Variants in PHC1 observed in about 807,000 individuals in gnomAD.
PHC1 encodes polyhomeotic-like protein 1.
Under a neutral mutation model 104.3 loss-of-function variants are expected in PHC1, and 12 were observed. The observed-to-expected ratio is 0.12, with a 90% CI of 0.07 to 0.19. PHC1 has a LOEUF of 0.19. Ranked by LOEUF, PHC1 falls within the 10% of genes least tolerant of loss-of-function variation. The probability of loss-of-function intolerance (pLI) is 1.00; values close to 1 mark genes in which losing one functional copy is unlikely to be tolerated. For missense variants in PHC1, 671 were observed against 1,200.0 expected (o/e 0.56, Z 6.51); for synonymous variants, 302 against 455.8 (o/e 0.66, Z 4.30).
chr12:8,929,107 A>C (rs1324473696), intron 6 of PHC1, among the ~76,000 whole-genome samples: 8 of 152,224 alleles, frequency 5.3e-5, no homozygotes, highest in Admixed American at 3.9e-4. Context: ...AATATTTTCT[A>C]AAATAGGAAG....
chr12:8,920,800 G>T (rs1438314404), intron 3 of PHC1, among the ~76,000 whole-genome samples, 185 bp from the exon 4 acceptor site: 2 of 152,216 alleles, frequency 1.3e-5, no homozygotes, highest in Non-Finnish European at 2.9e-5. Flanking sequence ...GGGCTAATTG[G>T]TTAGCATATG....
intron 11 of PHC1, among the ~76,000 whole-genome samples, chr12:8,936,109 G>A (rs912052628): frequency 6.6e-6 from 1 of 152,130 alleles, no homozygotes; most frequent in Non-Finnish European, 1.5e-5. Context: ...GGCCGAGTGT[G>A]ATGACTCTCA....
rs1171328458 is a variant in PHC1, at chr12:8,940,291, A to G, written c.*832A>G. ...AAATATTTTTTTCCTCAGTAAAAGG[A>G]TGAAAATTGGTTTCAGTTGTCTTAC... On this transcript the variant is annotated 3_prime_UTR_variant, in exon 15 of 15. Transcript: ENST00000544916. 1.2e-5 allele frequency: 2 copies of G among 164,484 alleles called. No homozygotes were observed. The highest frequency in any genetic ancestry group is 4.8e-5 in the African/African-American group (2 of 41,456). 10.2% of individuals were successfully genotyped at this position (164,484 alleles called of 1,614,324 possible).
At chr12:8,939,208 G>A (rs1945937305) in intron 14 of PHC1, 97 bp from the exon 15 acceptor site, 17 of 1,423,034 alleles carry the variant, frequency 1.2e-5, no homozygotes, top group Non-Finnish European at 1.7e-5. Flanking sequence ...ATTTAGGACA[G>A]GTACTTTGGA....
chr12:8,917,895 G>C (rs1945246914), intron 2 of PHC1, 104 bp downstream of exon 2: 1 of 656,542 alleles, frequency 1.5e-6, no homozygotes, highest in Non-Finnish European at 2.6e-6. Flanking sequence ...AAACTGGGGA[G>C]AGTTGGGTTA....
In PHC1 at chr12:8,917,519, G is replaced by T. The variant is rs779599291; in HGVS notation, c.-48-111G>T. ...AGATGAGAAATCATGGCTTATGGAA[G>T]AGGAGGAAGATTCTTAGATACTTAT... On this transcript the variant is annotated intron_variant, in intron 1 of 14. Transcript: ENST00000544916. 3.8e-5 allele frequency: 18 copies of T among 469,414 alleles called. 1 individual carries two copies. In the South Asian group the frequency reaches 6.8e-4, roughly 18 times the overall value. The allele number at this position is 469,414 out of a possible 1,614,324, so 29.1% of individuals were successfully genotyped here.
chr12:8,938,182 C>T, intron 14 of PHC1, 122 bp downstream of exon 14: 2 of 645,688 alleles, frequency 3.1e-6, no homozygotes, highest in Non-Finnish European at 5.5e-6. Flanking sequence ...AATATAGAGG[C>T]TCTACTCCTA....
At chr12:8,927,141 G>T (rs947014209) in intron 6 of PHC1, among the ~76,000 whole-genome samples, 1 of 152,196 alleles carries the variant, frequency 6.6e-6, no homozygotes, top group Non-Finnish European at 1.5e-5. Context: ...GTGCATGCGC[G>T]CATGCGTGGG....
chr12:8,938,075 T>G lies in PHC1; in HGVS notation c.2860+15T>G. 1.3e-6 allele frequency: 2 copies of G among 1,573,868 alleles called. No homozygotes were observed. Among genetic ancestry groups the G allele is most frequent in the Non-Finnish European group, 1.7e-6 (2 of 1,146,360 alleles). On this transcript the variant is annotated intron_variant, in intron 14 of 14. Coordinates refer to ENST00000544916, the MANE Select transcript of PHC1 (RefSeq NM_004426.3). ...TTCTCTCCAAGGTACTGACCCTCTCTTCAACAGAACCCAGGTTGTTTTCCT... is the reference window on the plus strand; with the variant it reads ...TTCTCTCCAAGGTACTGACCCTCTCGTCAACAGAACCCAGGTTGTTTTCCT...
chr12:8,936,295 T>A, intron 11 of PHC1, among the ~76,000 whole-genome samples: 1 of 152,090 alleles, frequency 6.6e-6, no homozygotes, highest in African/African-American at 2.4e-5. Context: ...AGTGGGAGGA[T>A]CGCTTGAGCC....
At chr12:8,929,305 G>C (rs1592201631) in intron 6 of PHC1, among the ~76,000 whole-genome samples, 1 of 152,176 alleles carries the variant, frequency 6.6e-6, no homozygotes, top group South Asian at 2.1e-4. Context: ...GAATAAGACA[G>C]ATAAACTTGC....
At chr12:8,936,773 T>C (rs1945849886) in intron 11 of PHC1, 83 bp from the exon 12 acceptor site, 1 of 894,562 alleles carries the variant, frequency 1.1e-6, no homozygotes, top group Admixed American at 2.1e-5. Flanking sequence ...GAGAATAATT[T>C]TAGAATCCAG....
intron 7 of PHC1, 73 bp downstream of exon 7, chr12:8,931,000 T>C: frequency 1.4e-6 from 2 of 1,468,846 alleles, no homozygotes; most frequent in Non-Finnish European, 9.1e-7. Flanking sequence ...TTTTTTTGCC[T>C]TTTTTTCTTT....
Position 8,939,604 on chromosome 12 carries a change from G to A in PHC1, c.*145G>A. On this transcript the variant is annotated 3_prime_UTR_variant, in exon 15 of 15. Transcript: ENST00000544916. ...GGGATTACTGAGACAGGGAAGAGAA[G>A]TGCAAGAATTGGTTGCTGGTGCTAC... 1 of 569,872 alleles carries A rather than the reference G, an allele frequency of 1.8e-6. No homozygotes were observed. Among genetic ancestry groups the A allele is most frequent in the East Asian group, 3.0e-5 (1 of 33,112 alleles). 35.3% of individuals were successfully genotyped at this position (569,872 alleles called of 1,614,324 possible).
chr12:8,928,620 G>A (rs778734457), intron 6 of PHC1, among the ~76,000 whole-genome samples: 4 of 151,860 alleles, frequency 2.6e-5, no homozygotes, highest in African/African-American at 7.3e-5. Context: ...AATTTTAAAG[G>A]TACACAAAAA....
chr12:8,923,463 A>G (rs777372275), intron 6 of PHC1, among the ~76,000 whole-genome samples: 9 of 152,212 alleles, frequency 5.9e-5, no homozygotes, highest in Non-Finnish European at 1.3e-4. Flanking sequence ...CTCCCTGTTT[A>G]TGGGTTTCAT....
At chr12:8,934,629 A>T (rs1170026444) in intron 10 of PHC1, 151 bp downstream of exon 10, 7 of 606,736 alleles carry the variant, frequency 1.2e-5, no homozygotes, top group Non-Finnish European at 1.7e-5. Context: ...AAGGAAAGGG[A>T]AAAGAGTGTG....
chr12:8,928,244 G>A (rs1471634387), intron 6 of PHC1, among the ~76,000 whole-genome samples: 1 of 151,982 alleles, frequency 6.6e-6, no homozygotes, highest in Non-Finnish European at 1.5e-5. Context: ...CTTCACTTCA[G>A]TCTTAACCTA....
At chr12:8,935,413 G>A (rs913880643) in intron 11 of PHC1, among the ~76,000 whole-genome samples, 175 bp downstream of exon 11, 1 of 152,168 alleles carries the variant, frequency 6.6e-6, no homozygotes, top group Non-Finnish European at 1.5e-5. Context: ...ATCACCTGAG[G>A]TCAGGAGTTT....
Sources: gnomAD v4.1 joint callset for allele counts (sites outside exome capture counted in the v4.1 genomes callset) on GRCh38, gnomAD v4.1.1 for gene constraint, MANE v1.5 for transcripts, NCBI Gene and HGNC (gene_info 2026-07-23, HGNC 2026-07-21) for gene names.